Variants in PAQR3 observed in about 807,000 individuals in gnomAD.
PAQR3 encodes progestin and adipoQ receptor family member 3.
PAQR3 carries 39 observed loss-of-function variants against 41.7 expected under a neutral mutation model. That is an observed-to-expected ratio of 0.93 (90% CI 0.72 to 1.22). The LOEUF (loss-of-function observed/expected upper bound fraction) is 1.22, where lower values mean the gene tolerates loss of function less well. PAQR3 is among the 50% of genes most tolerant of loss of function. The pLI is 0.00. For synonymous variants in PAQR3, 140 were observed against 140.6 expected, an observed-to-expected ratio of 1.00 and a Z score of 0.03; for missense variants, 366 against 385.6, an observed-to-expected ratio of 0.95 and a Z score of 0.42.
At chr4:78,931,114 C>T (rs540943888) in intron 2 of PAQR3, among the ~76,000 whole-genome samples, 2 of 144,520 alleles carry the variant, frequency 1.4e-5, no homozygotes, top group Non-Finnish European at 3.0e-5. Flanking sequence ...CTTTGGGAGG[C>T]CATGGTGGGA....
At position 78,918,058 on chromosome 4, in the gene PAQR3, TATAG is replaced by T. The variant is rs1454853161; in HGVS notation, c.*2477_*2480del. 1 of 979,026 alleles carries T rather than the reference TATAG, an allele frequency of 1.0e-6. No homozygotes were observed. Among genetic ancestry groups the T allele is most frequent in the African/African-American group, 1.8e-5 (1 of 57,016 alleles). 60.6% of individuals were successfully genotyped at this position (979,026 alleles called of 1,614,324 possible). A position where few individuals can be genotyped will look rare whatever the true frequency, so the allele number is the denominator to read the frequency against. On this transcript the variant is annotated 3_prime_UTR_variant, in exon 6 of 6. Transcript: ENST00000512733. Reference sequence around the variant, plus strand: ...GTCTTGCTATTTGAAAATGGCTTAATATAGAAAGATAATTGTTTCTTAAATGAGT... The same window carrying T: ...GTCTTGCTATTTGAAAATGGCTTAATAAAGATAATTGTTTCTTAAATGAGT...
chr4:78,909,821 T>C (rs145563328), downstream of PAQR3, among the ~76,000 whole-genome samples: 422 of 152,340 alleles, frequency 2.8e-3, no homozygotes, highest in African/African-American at 9.8e-3. Context: ...GAAACCATGT[T>C]TCTTTTACTC....
Position 78,893,197 on chromosome 4 carries a change from G to C in PAQR3, c.*837-5049C>G, listed in dbSNP as rs111746577. Among the ~76,000 whole-genome samples, 53 of 152,314 alleles carry C rather than the reference G, an allele frequency of 3.5e-4. 1 individual carries two copies. Among genetic ancestry groups the C allele is most frequent in the African/African-American group, 1.2e-3 (50 of 41,576 alleles). ...GTTCACAGCATCTTCACCAGGAACA[G>C]ATTCCATCTCAAGAAACCACTTCTT... On this transcript the variant is annotated intron_variant and NMD_transcript_variant, in intron 11 of 12. Coordinates refer to the PAQR3 transcript ENST00000342820.
In PAQR3 at chr4:78,916,410, T is replaced by C. The variant is rs1735076595; in HGVS notation, c.*4129A>G. The C allele has an allele frequency of 6.6e-6, 1 of 151,994 alleles. No individual in the cohort carries two copies. The highest frequency in any genetic ancestry group is 2.4e-5 in the African/African-American group (1 of 41,438). The allele number at this position is 151,994 out of a possible 1,614,324, so 9.4% of individuals were successfully genotyped here. Reference sequence around the variant, plus strand: ...TCATTATTTGTCTTATTATGACTTTTGGATGTAAACTTCTATTCAAATTCA... The same window carrying C: ...TCATTATTTGTCTTATTATGACTTTCGGATGTAAACTTCTATTCAAATTCA... On this transcript the variant is annotated 3_prime_UTR_variant, in exon 6 of 6. Coordinates refer to ENST00000512733, the MANE Select transcript of PAQR3 (RefSeq NM_001040202.2).
At chr4:78,904,513 ACTTTATAACCTATCATTG>A (rs1299268341) in intron 11 of PAQR3, among the ~76,000 whole-genome samples, 1 of 151,880 alleles carries the variant, frequency 6.6e-6, no homozygotes, top group East Asian at 1.9e-4. Flanking sequence ...ATAATTTAAA[ACTTTATAACCTATCATTG>A]CTGTTCTTAA....
intron 11 of PAQR3, among the ~76,000 whole-genome samples, chr4:78,900,429 G>A (rs1467756754): frequency 6.6e-6 from 1 of 152,098 alleles, no homozygotes; most frequent in Non-Finnish European, 1.5e-5. Context: ...TGAAAGTGAA[G>A]GAAGGAGAAG....
chr4:78,913,670 T>G lies in PAQR3; in HGVS notation c.*6869A>C, dbSNP rs1172221898. ...CCCAATGGGATAAGCTATTTGCCTA[T>G]TTTCACAGTTCTGAACTTGGAAAGA... is the stretch of plus-strand genomic sequence containing the variant. On this transcript the variant is annotated 3_prime_UTR_variant, in exon 6 of 6. Transcript: ENST00000512733. The G allele has an allele frequency of 2.0e-5, 3 of 152,182 alleles. No homozygotes were observed. Among genetic ancestry groups the G allele is most frequent in the Admixed American group, 6.5e-5 (1 of 15,272 alleles). 9.4% of individuals were successfully genotyped at this position (152,182 alleles called of 1,614,324 possible). A position where few individuals can be genotyped will look rare whatever the true frequency, so the allele number is the denominator to read the frequency against.
chr4:78,903,418 C>T (rs1366049317), intron 11 of PAQR3, among the ~76,000 whole-genome samples: 1 of 151,634 alleles, frequency 6.6e-6, no homozygotes, highest in East Asian at 1.9e-4. Context: ...TTCTTTGTAT[C>T]CCATACAATA....
rs1211732483 is a variant in PAQR3 at position 78,918,383 on chromosome 4, T to C, written c.*2156A>G. 2.0e-6 allele frequency: 2 copies of C among 978,528 alleles called. No homozygotes were observed. Among genetic ancestry groups the C allele is most frequent in the African/African-American group, 1.8e-5 (1 of 57,020 alleles). The allele number at this position is 978,528 out of a possible 1,614,324, so 60.6% of individuals were successfully genotyped here. ...GTGCTGTGCACACAGTAGGTGGTCA[T>C]TAAATGCTGACTGACATACAGAAGT... On this transcript the variant is annotated 3_prime_UTR_variant, in exon 6 of 6. Transcript: ENST00000512733.
At chr4:78,900,827 G>T (rs1733960654) in intron 11 of PAQR3, among the ~76,000 whole-genome samples, 2 of 152,124 alleles carry the variant, frequency 1.3e-5, no homozygotes, top group Admixed American at 6.5e-5. Context: ...TCAAATAATT[G>T]TATCAATAAT....
chr4:78,938,050 C>T (rs1737614485), intron 1 of PAQR3, among the ~76,000 whole-genome samples: 1 of 152,136 alleles, frequency 6.6e-6, no homozygotes, highest in African/African-American at 2.4e-5. Context: ...CCATGAGTCA[C>T]AGAAACACTT....
At chr4:78,888,596 A>C (rs1281388014) in intron 11 of PAQR3, among the ~76,000 whole-genome samples, 1 of 152,200 alleles carries the variant, frequency 6.6e-6, no homozygotes, top group Non-Finnish European at 1.5e-5. Flanking sequence ...GGGGAAATGA[A>C]TAGTAGAGTT....
In PAQR3 at chr4:78,915,882, A is replaced by G. The variant is rs1231746912; in HGVS notation, c.*4657T>C. On this transcript the variant is annotated 3_prime_UTR_variant, in exon 6 of 6. Coordinates refer to ENST00000512733, the MANE Select transcript of PAQR3 (RefSeq NM_001040202.2). Reference sequence around the variant, plus strand: ...TGACTATGCTCTTTTTGTGATTGAAAAGTCATCTAATAGAAGCTGTATAGA... The same window carrying G: ...TGACTATGCTCTTTTTGTGATTGAAGAGTCATCTAATAGAAGCTGTATAGA... The G allele has an allele frequency of 6.6e-6, 1 of 151,962 alleles. No homozygotes were observed. The highest frequency in any genetic ancestry group is 1.9e-4 in the East Asian group (1 of 5,198). 9.4% of individuals were successfully genotyped at this position (151,962 alleles called of 1,614,324 possible). A position where few individuals can be genotyped will look rare whatever the true frequency, so the allele number is the denominator to read the frequency against.
chr4:78,912,131 ATTCT>A lies in PAQR3; in HGVS notation c.*8404_*8407del, dbSNP rs1734669028. 1.9e-6 allele frequency: 2 copies of A among 1,054,394 alleles called. No individual in the cohort carries two copies. Among genetic ancestry groups the A allele is most frequent in the Admixed American group, 4.5e-5 (2 of 43,960 alleles). The allele number at this position is 1,054,394 out of a possible 1,614,324, so 65.3% of individuals were successfully genotyped here. A position where few individuals can be genotyped will look rare whatever the true frequency, so the allele number is the denominator to read the frequency against. On this transcript the variant is annotated 3_prime_UTR_variant, in exon 6 of 6. Transcript: ENST00000512733. The stretch of plus-strand genomic sequence containing the variant: ...AATTTGGTAGCTCTTTATAGCATTC[ATTCT>A]TAAAGATCAGTCAGAATAGGTGATT...
chr4:78,921,795 T>C (rs2127781), intron 5 of PAQR3: 50,801 of 984,748 alleles, frequency 0.052, 1,657 homozygotes, highest in East Asian at 0.22. Context: ...GGCATTTATA[T>C]ATGAACATTT....
rs1395325006 is a variant in PAQR3 at position 78,915,280 on chromosome 4, T to C, written c.*5259A>G. On this transcript the variant is annotated 3_prime_UTR_variant, in exon 6 of 6. Transcript: ENST00000512733. ...GGAAAATCTAAGGTGGAGCCCACTCTTCTATGCTGAAGTTCACCAGGCAGA... is the reference window on the plus strand; with the variant it reads ...GGAAAATCTAAGGTGGAGCCCACTCCTCTATGCTGAAGTTCACCAGGCAGA... The C allele has an allele frequency of 2.0e-5, 3 of 152,148 alleles. No homozygotes were observed. The highest frequency in any genetic ancestry group is 2.0e-4 in the Admixed American group (3 of 15,256). 9.4% of individuals were successfully genotyped at this position (152,148 alleles called of 1,614,324 possible). A position where few individuals can be genotyped will look rare whatever the true frequency, so the allele number is the denominator to read the frequency against.
intron 4 of PAQR3, among the ~76,000 whole-genome samples, chr4:78,924,700 C>T (rs1736012975): frequency 7.4e-6 from 1 of 135,114 alleles, no homozygotes; most frequent in African/African-American, 2.8e-5. Context: ...TAGTAAGACA[C>T]CTCTCTCTAC....
chr4:78,915,954 G>A lies in PAQR3; in HGVS notation c.*4585C>T, dbSNP rs1577997835. 1 of 151,830 alleles carries A rather than the reference G, an allele frequency of 6.6e-6. No individual in the cohort carries two copies. The highest frequency in any genetic ancestry group is 1.9e-4 in the East Asian group (1 of 5,200). 9.4% of individuals were successfully genotyped at this position (151,830 alleles called of 1,614,324 possible). On this transcript the variant is annotated 3_prime_UTR_variant, in exon 6 of 6. Coordinates refer to ENST00000512733, the MANE Select transcript of PAQR3 (RefSeq NM_001040202.2). ...AAACAGCTTTAAGTGCACTTTCTTT[G>A]ATTACACTTCCATTTTTTGTTAAAC...
chr4:78,923,861 A>G lies in PAQR3; in HGVS notation c.789T>C (p.Phe263=). 6.2e-7 allele frequency: 1 copy of G among 1,607,172 alleles called. No homozygotes were observed. The highest frequency in any genetic ancestry group is 8.5e-7 in the Non-Finnish European group (1 of 1,173,826). Residue 263 remains phenylalanine (F), a synonymous_variant, in exon 5 of 6, where the codon TTT becomes TTC. Coordinates refer to ENST00000512733, the MANE Select transcript of PAQR3 (RefSeq NM_001040202.2). ...TGCTATAAAAGAGATACCTACCTGG[A>G]AAGTACCGCTCTGGGACTTTGGAAA... ...FYISKVPERY[F]PGQLNYLGSS...
Sources: allele counts gnomAD v4.1 joint callset (sites outside exome capture counted in the v4.1 genomes callset), GRCh38; gene constraint gnomAD v4.1.1; transcripts MANE v1.5; gene names NCBI Gene and HGNC (gene_info 2026-07-23, HGNC 2026-07-21).